GRM7: variants seen among roughly 807,000 people sequenced by gnomAD.
The protein encoded by GRM7 is metabotropic glutamate receptor 7.
GRM7 carries 35 observed loss-of-function variants against 84.5 expected under a neutral mutation model. The ratio of observed to expected loss-of-function variants is 0.41; its 90% CI spans 0.32 to 0.55. The LOEUF (loss-of-function observed/expected upper bound fraction) is 0.55, where lower values mean the gene tolerates loss of function less well. Among genes scored for constraint, GRM7 ranks in the 20% least tolerant of loss-of-function variants. The probability of loss-of-function intolerance (pLI) is 0.19; values close to 1 mark genes in which losing one functional copy is unlikely to be tolerated. For missense variants in GRM7, 1,003 were observed against 1,194.6 expected, an observed-to-expected ratio of 0.84 and a Z score of 2.36; for synonymous variants, 487 against 455.1, an observed-to-expected ratio of 1.07 and a Z score of -0.89.
intron 8 of GRM7, among the ~76,000 whole-genome samples, chr3:7,626,858 T>A (rs1697638190): frequency 6.6e-6 from 1 of 151,796 alleles, no homozygotes; most frequent in Non-Finnish European, 1.5e-5. Flanking sequence ...AAATATTTTG[T>A]CATGTCAAGA....
At chr3:7,065,158 C>T (rs907620235) in intron 1 of GRM7, among the ~76,000 whole-genome samples, 27 of 151,872 alleles carry the variant, frequency 1.8e-4, no homozygotes, top group Admixed American at 9.9e-4. Context: ...AGTTTGCTGA[C>T]TGTTCCTTTT....
intron 2 of GRM7, among the ~76,000 whole-genome samples, chr3:7,184,457 G>T (rs1007166385): frequency 1.3e-5 from 2 of 151,858 alleles, no homozygotes; most frequent in African/African-American, 4.8e-5. Context: ...AAAATATTTT[G>T]ATAAAATATA....
intron 1 of GRM7, among the ~76,000 whole-genome samples, chr3:7,075,247 A>T (rs528831520): frequency 6.6e-6 from 1 of 152,180 alleles, no homozygotes; most frequent in Admixed American, 6.5e-5. Flanking sequence ...CTGTCAAAGT[A>T]AAGACCTTGG....
chr3:7,712,206 T>C (rs567214774), intron 9 of GRM7, among the ~76,000 whole-genome samples: 10 of 152,344 alleles, frequency 6.6e-5, no homozygotes, highest in Admixed American at 6.5e-4. Flanking sequence ...TTTCTAGGCC[T>C]CACTTTTCAC....
At chr3:6,962,333 A>G (rs992238942) in intron 1 of GRM7, among the ~76,000 whole-genome samples, 1 of 152,232 alleles carries the variant, frequency 6.6e-6, no homozygotes, top group African/African-American at 2.4e-5. Flanking sequence ...TGAGGAAATT[A>G]TATCTACTGA....
chr3:7,043,245 G>A (rs368403857), intron 1 of GRM7, among the ~76,000 whole-genome samples: 1 of 152,108 alleles, frequency 6.6e-6, no homozygotes, highest in African/African-American at 2.4e-5. Context: ...GGGGGAGGGG[G>A]CATCCTAATG....
chr3:7,420,165 C>T lies in GRM7; in HGVS notation c.1174+5002C>T, dbSNP rs148817072. ...TAAGTCTTTTATTTTTACCAGGACC[C>T]AGGCTCATTAGAGCCTATATAATTC... On this transcript the variant is annotated intron_variant, in intron 5 of 9. Transcript: ENST00000357716. Among the ~76,000 whole-genome samples, 332 of 152,246 alleles carry T rather than the reference C, an allele frequency of 2.2e-3. 1 individual carries two copies. Among genetic ancestry groups the T allele is most frequent in the African/African-American group, 7.6e-3 (314 of 41,552 alleles).
intron 8 of GRM7, among the ~76,000 whole-genome samples, chr3:7,641,017 T>C (rs6443119): frequency 0.87 from 132,209 of 152,132 alleles, 57,606 homozygotes; most frequent in African/African-American, 0.93. Flanking sequence ...GAAGTTTCCA[T>C]TTTATCTCTC....
At chr3:6,868,082 C>G (rs764342111) in intron 1 of GRM7, among the ~76,000 whole-genome samples, 12 of 152,240 alleles carry the variant, frequency 7.9e-5, no homozygotes, top group Non-Finnish European at 1.3e-4. Flanking sequence ...TTACCATAAG[C>G]CACTGTGCCA....
intron 6 of GRM7, among the ~76,000 whole-genome samples, chr3:7,456,192 A>T (rs1286510203): frequency 1.3e-5 from 2 of 152,018 alleles, no homozygotes; most frequent in African/African-American, 2.4e-5. Flanking sequence ...ATGTATGAAC[A>T]TTCTTACACT....
chr3:7,537,816 A>C (rs901905936), intron 7 of GRM7, among the ~76,000 whole-genome samples: 1 of 152,198 alleles, frequency 6.6e-6, no homozygotes, highest in Non-Finnish European at 1.5e-5. Flanking sequence ...TCAGATGAGA[A>C]AGTCTATCGC....
chr3:7,143,325 T>C (rs1367970767), intron 1 of GRM7, among the ~76,000 whole-genome samples: 3 of 152,190 alleles, frequency 2.0e-5, no homozygotes, highest in African/African-American at 7.2e-5. Context: ...ACATAAATTC[T>C]TCCAGTCCTT....
chr3:7,411,370 G>T (rs1252406647), intron 4 of GRM7, among the ~76,000 whole-genome samples: 1 of 152,148 alleles, frequency 6.6e-6, no homozygotes, highest in Non-Finnish European at 1.5e-5. Context: ...TTTAAAAATA[G>T]TTATAACATT....
At chr3:7,625,560 G>C (rs576754501) in intron 8 of GRM7, among the ~76,000 whole-genome samples, 1 of 152,106 alleles carries the variant, frequency 6.6e-6, no homozygotes, top group African/African-American at 2.4e-5. Context: ...TCCTAGCTAC[G>C]TGGGAGGCTG....
intron 5 of GRM7, among the ~76,000 whole-genome samples, chr3:7,437,713 C>A (rs13071860): frequency 1.3e-5 from 2 of 151,836 alleles, no homozygotes; most frequent in Non-Finnish European, 2.9e-5. Flanking sequence ...TCTTTCTCTT[C>A]GTGTGTTCCC....
intron 8 of GRM7, among the ~76,000 whole-genome samples, chr3:7,665,595 T>A (rs930203503): frequency 6.6e-6 from 1 of 152,194 alleles, no homozygotes; most frequent in Non-Finnish European, 1.5e-5. Context: ...TTAGAGCTGT[T>A]TGTTTTTCCA....
chr3:6,909,623 T>C (rs1319815079), intron 1 of GRM7, among the ~76,000 whole-genome samples: 1 of 152,010 alleles, frequency 6.6e-6, no homozygotes, highest in African/African-American at 2.4e-5. Flanking sequence ...CCACTGTATA[T>C]AAAAAAGAAA....
chr3:7,566,143 A>T, intron 7 of GRM7, among the ~76,000 whole-genome samples: 1 of 141,670 alleles, frequency 7.1e-6, no homozygotes, highest in East Asian at 2.0e-4. Flanking sequence ...GTAAAAGATC[A>T]GAGAGTAAAT....
At chr3:7,513,675 T>G (rs996698939) in intron 7 of GRM7, among the ~76,000 whole-genome samples, 7 of 152,216 alleles carry the variant, frequency 4.6e-5, no homozygotes, top group Non-Finnish European at 8.8e-5. Context: ...CCTAATTTGA[T>G]CATTACACAT....
Sources: gnomAD v4.1 joint callset for allele counts (sites outside exome capture counted in the v4.1 genomes callset) on GRCh38, gnomAD v4.1.1 for gene constraint, MANE v1.5 for transcripts, NCBI Gene and HGNC (gene_info 2026-07-23, HGNC 2026-07-21) for gene names.